Variants in IARS1 observed in about 807,000 individuals in gnomAD.
IARS1 encodes the protein isoleucyl-tRNA synthetase 1.
A neutral mutation model predicts 168.2 loss-of-function variants in IARS1; 124 were observed. The observed-to-expected ratio is 0.74, with a 90% CI of 0.64 to 0.86. The LOEUF (loss-of-function observed/expected upper bound fraction) is 0.86, where lower values mean the gene tolerates loss of function less well. Among genes scored for constraint, IARS1 ranks in the 40% least tolerant of loss-of-function variants. The pLI, the probability that IARS1 is intolerant of heterozygous loss-of-function variation, is 0.00. For missense variants in IARS1, 1,452 were observed against 1,515.8 expected (o/e 0.96, Z 0.70); for synonymous variants, 532 against 529.4 (o/e 1.00, Z -0.07).
At chr9:92,240,623 G>A in intron 30 of IARS1, 1 of 711,378 alleles carries the variant, frequency 1.4e-6, no homozygotes, top group Non-Finnish European at 2.6e-6. Context: ...TGAACTCTTG[G>A]CCTCAAGCAA....
chr9:92,261,175 GGTTCATGCCTGTGGTCCCA>G (rs1226212168), intron 17 of IARS1, among the ~76,000 whole-genome samples: 2 of 152,094 alleles, frequency 1.3e-5, no homozygotes, highest in Non-Finnish European at 2.9e-5. Flanking sequence ...TGGGTGTGGT[GGTTCATGCCTGTGGTCCCA>G]GCTACTCGGG....
intron 16 of IARS1, among the ~76,000 whole-genome samples, chr9:92,264,450 A>G (rs1237567029): frequency 6.6e-6 from 1 of 152,148 alleles, no homozygotes; most frequent in Non-Finnish European, 1.5e-5. Context: ...CCAGATAAAA[A>G]TCAATGCCCA....
At chr9:92,269,160 G>A (rs908509405) in intron 13 of IARS1, among the ~76,000 whole-genome samples, 13 of 152,216 alleles carry the variant, frequency 8.5e-5, no homozygotes, top group Non-Finnish European at 1.9e-4. Context: ...GGACCACTCT[G>A]CTAAGAAATA....
rs1423608778 is a variant in IARS1, at chr9:92,240,901, A to C, written c.3238T>G (p.Cys1080Gly). 2 of 1,613,550 alleles carry C rather than the reference A, an allele frequency of 1.2e-6. No individual in the cohort carries two copies. Among genetic ancestry groups the C allele is most frequent in the Admixed American group, 3.3e-5 (2 of 59,990 alleles). ...CAAATGTTAAGATTGACATATGCAC[A>C]AGCAGGACCAGGAAGGGAAGATCCT... ...TRGSSLPGPA[C>G]AYVNLNICAN... The change falls in exon 30 of 34, where the codon TGT (cysteine) becomes GGT (glycine). Residue 1080 changes from cysteine to glycine, a missense_variant. Cys to Gly is a radical substitution (Grantham distance 159). Transcript: ENST00000443024.
intron 31 of IARS1, among the ~76,000 whole-genome samples, chr9:92,227,795 G>A (rs1054668256): frequency 6.6e-5 from 10 of 150,598 alleles, no homozygotes; most frequent in East Asian, 4.0e-4. Flanking sequence ...GGGAAGAGGC[G>A]CTCCTCACTT....
At chr9:92,277,947 C>T in intron 8 of IARS1, 24 bp from the exon 9 acceptor site, 1 of 1,605,584 alleles carries the variant, frequency 6.2e-7, no homozygotes, top group Non-Finnish European at 8.5e-7. Flanking sequence ...AAGGCAAACT[C>T]ACAATTAGAT....
chr9:92,271,380 G>A (rs1014572838), intron 11 of IARS1, among the ~76,000 whole-genome samples, 153 bp downstream of exon 11: 4 of 152,142 alleles, frequency 2.6e-5, no homozygotes, highest in African/African-American at 9.7e-5. Context: ...GAGACCCTCT[G>A]AACGTAACTG....
Position 92,268,192 on chromosome 9 carries a change from G to A in IARS1, c.1413C>T (p.Val471=), listed in dbSNP as rs1403695627. The A allele has an allele frequency of 6.2e-7, 1 of 1,602,476 alleles. No individual in the cohort carries two copies. The highest frequency in any genetic ancestry group is 2.3e-5 in the East Asian group (1 of 44,170). ...RYWGTPIPLW[V]SDDFEEVVCI... ...GCCTCACCTCCTCAAAGTCATCGCT[G>A]ACCCACAGTGGGATGGGGGTGCCCC... The change falls in exon 14 of 34, where the codon GTC becomes GTT. Residue 471 remains valine (V), a synonymous_variant. Coordinates refer to ENST00000443024, the MANE Select transcript of IARS1 (RefSeq NM_002161.6).
At chr9:92,234,284 G>A (rs1197051850) in intron 30 of IARS1, among the ~76,000 whole-genome samples, 16 of 152,020 alleles carry the variant, frequency 1.1e-4, no homozygotes, top group African/African-American at 2.4e-5. Flanking sequence ...TATAGAAAAA[G>A]GCCAAACATT....
chr9:92,260,213 T>C lies in IARS1; in HGVS notation c.1809A>G (p.Lys603=). 6.2e-7 allele frequency: 1 copy of C among 1,614,034 alleles called. No homozygotes were observed. Among genetic ancestry groups the C allele is most frequent in the Non-Finnish European group, 8.5e-7 (1 of 1,179,882 alleles). ...CTGGATCTGGATAATTCTTTTTCCG[T>C]TTGCTCATTTTTTGGCCATCACTTG... The part of the protein sequence containing the change: ...VLASDGQKMS[K]RKKNYPDPVS... Residue 603 remains lysine, a synonymous_variant, in exon 18 of 34, where the codon AAA becomes AAG. Transcript: ENST00000443024.
intron 6 of IARS1, among the ~76,000 whole-genome samples, chr9:92,284,463 T>A (rs1214867799): frequency 1.3e-5 from 2 of 152,196 alleles, no homozygotes; most frequent in African/African-American, 4.8e-5. Flanking sequence ...TGCATGTCCC[T>A]GAAACTGTCC....
At chr9:92,219,418 G>A (rs1196165583) in intron 33 of IARS1, among the ~76,000 whole-genome samples, 5 of 149,550 alleles carry the variant, frequency 3.3e-5, no homozygotes, top group African/African-American at 4.9e-5. Flanking sequence ...ATTGACAAAT[G>A]GGATCTAATT....
rs550301185 is a variant in IARS1, at chr9:92,293,009, C to T, written c.-8+602G>A. Among the ~76,000 whole-genome samples the T allele has an allele frequency of 2.0e-5, 3 of 152,312 alleles. No individual in the cohort carries two copies. The East Asian group carries it at 5.8e-4, about 29-fold the overall frequency. ...TAATCATCAAGTCATGTGGATCCTA[C>T]CTATAAGCCTATTTCTGTTCCCCCT... On this transcript the variant is annotated intron_variant, in intron 1 of 33. Coordinates refer to ENST00000443024, the MANE Select transcript of IARS1 (RefSeq NM_002161.6).
Position 92,223,417 on chromosome 9 carries a change from G to A in IARS1, c.3482C>T (p.Ser1161Phe). 6.2e-7 allele frequency: 1 copy of A among 1,614,006 alleles called. No homozygotes were observed. The highest frequency in any genetic ancestry group is 8.5e-7 in the Non-Finnish European group (1 of 1,179,868). Residue 1161 changes from serine to phenylalanine, a missense_variant, in exon 32 of 34, where the codon TCT (serine) becomes TTT (phenylalanine). Physicochemically the swap from Ser to Phe is radical, Grantham distance 155. Transcript: ENST00000443024. ...TLCVTAGSAP[S>F]LINSSSTLLC... The stretch of plus-strand genomic sequence containing the variant: ...AAGAGTACTAGAACTGTTGATCAGA[G>A]AGGGAGCCGATCCTGCAGTCACACA...
At chr9:92,228,388 T>TA (rs1483275490) in intron 31 of IARS1, among the ~76,000 whole-genome samples, 1 of 152,066 alleles carries the variant, frequency 6.6e-6, no homozygotes, top group Non-Finnish European at 1.5e-5. Context: ...AATCCAGACT[T>TA]AGTGAGATCC....
chr9:92,238,667 A>G (rs1348573487), intron 30 of IARS1, among the ~76,000 whole-genome samples: 2 of 152,154 alleles, frequency 1.3e-5, no homozygotes, highest in South Asian at 2.1e-4. Context: ...TACTTAAAAC[A>G]TATTTTAGAG....
intron 5 of IARS1, 99 bp from the exon 6 acceptor site, chr9:92,285,938 T>A: frequency 1.0e-5 from 7 of 700,824 alleles, no homozygotes; most frequent in Admixed American, 2.3e-5. Flanking sequence ...GTCTGCCAAA[T>A]AAGTGAAAAA....
chr9:92,223,210 C>T lies in IARS1; in HGVS notation c.3553+136G>A, dbSNP rs1429059492. The T allele has an allele frequency of 1.6e-5, 10 of 633,518 alleles. No homozygotes were observed. In the Admixed American group the frequency reaches 2.8e-4, roughly 18 times the overall value. The allele number at this position is 633,518 out of a possible 1,614,324, so 39.2% of individuals were successfully genotyped here. ...ACACCAAAAGAAAAGCCTGTGGTTG[C>T]TCCCCAAAGTTGCGTGAGAGCCCAC... On this transcript the variant is annotated intron_variant, in intron 32 of 33. Transcript: ENST00000443024.
At chr9:92,285,228 A>C (rs749934205) in intron 6 of IARS1, among the ~76,000 whole-genome samples, 1 of 152,234 alleles carries the variant, frequency 6.6e-6, no homozygotes, top group Non-Finnish European at 1.5e-5. Context: ...TACACTCTGT[A>C]AACATCAAAC....
Sources: allele counts gnomAD v4.1 joint callset (sites outside exome capture counted in the v4.1 genomes callset), GRCh38; gene constraint gnomAD v4.1.1; transcripts MANE v1.5; gene names NCBI Gene and HGNC (gene_info 2026-07-23, HGNC 2026-07-21).